TRMT11: variants seen among roughly 807,000 people sequenced by gnomAD.
TRMT11 encodes tRNA (guanine(10)-N(2))-methyltransferase TRMT11.
A neutral mutation model predicts 62.8 loss-of-function variants in TRMT11; 53 were observed. That is an observed-to-expected ratio of 0.84 (90% CI 0.68 to 1.06). TRMT11 has a LOEUF of 1.06. TRMT11 is among the 50% of genes least tolerant of loss of function. TRMT11 has a pLI of 0.00. For synonymous variants in TRMT11, 188 were observed against 190.3 expected (o/e 0.99, Z 0.10); for missense variants, 556 against 553.4 (o/e 1.00, Z -0.05).
intron 17 of TRMT11, among the ~76,000 whole-genome samples, chr6:126,109,520 ATTT>A (rs1231433865): frequency 6.6e-6 from 1 of 152,150 alleles, no homozygotes; most frequent in Admixed American, 6.6e-5. Flanking sequence ...CCTCATGCTA[ATTT>A]GTCCAGCTAT....
intron 17 of TRMT11, among the ~76,000 whole-genome samples, chr6:126,067,410 A>G (rs1401971676): frequency 6.6e-6 from 1 of 152,170 alleles, no homozygotes; most frequent in Non-Finnish European, 1.5e-5. Flanking sequence ...GCTTACCCAT[A>G]TAGTTTTACC....
chr6:126,182,683 G>A (rs1778480827), intron 1 of TRMT11, among the ~76,000 whole-genome samples: 1 of 151,944 alleles, frequency 6.6e-6, no homozygotes, highest in African/African-American at 2.4e-5. Context: ...ACTTGAGCTT[G>A]CAGCCTTCAT....
the TRMT11 span, among the ~76,000 whole-genome samples, chr6:126,215,478 T>G: frequency 6.6e-6 from 1 of 152,116 alleles, no homozygotes; most frequent in Non-Finnish European, 1.5e-5. Context: ...TGTCTTGAAA[T>G]CTATTTTGTC....
chr6:126,167,173 C>T (rs1166804546), intron 21 of TRMT11, among the ~76,000 whole-genome samples: 1 of 152,164 alleles, frequency 6.6e-6, no homozygotes, highest in Admixed American at 6.5e-5. Flanking sequence ...GAAAAAAACT[C>T]CTGCAGCTAG....
At chr6:126,122,533 A>G (rs1035817882) in intron 21 of TRMT11, among the ~76,000 whole-genome samples, 4 of 152,154 alleles carry the variant, frequency 2.6e-5, no homozygotes, top group African/African-American at 9.6e-5. Context: ...TGATTCTAGG[A>G]CATAAGACTG....
chr6:126,004,698 T>G (rs1793080362), intron 7 of TRMT11, among the ~76,000 whole-genome samples: 1 of 152,050 alleles, frequency 6.6e-6, no homozygotes, highest in South Asian at 2.1e-4. Flanking sequence ...AATTCATGTG[T>G]CTAATCCCCT....
At chr6:126,065,250 G>A (rs545451139) in intron 17 of TRMT11, among the ~76,000 whole-genome samples, 29 of 152,266 alleles carry the variant, frequency 1.9e-4, no homozygotes, top group African/African-American at 7.0e-4. Context: ...AAGGAGAGAA[G>A]ATAATTGGTC....
At chr6:125,999,767 A>G (rs1227725805) in intron 7 of TRMT11, among the ~76,000 whole-genome samples, 154 bp downstream of exon 7, 1 of 152,200 alleles carries the variant, frequency 6.6e-6, no homozygotes, top group African/African-American at 2.4e-5. Flanking sequence ...TGTAATAGCT[A>G]GTATTTAACA....
At chr6:126,075,459 A>G (rs200303676) in intron 17 of TRMT11, among the ~76,000 whole-genome samples, 2 of 151,730 alleles carry the variant, frequency 1.3e-5, no homozygotes, top group East Asian at 1.9e-4. Flanking sequence ...CGATTGTTTA[A>G]AAGTGTGTAG....
chr6:126,149,328 C>T (rs1190391910), intron 21 of TRMT11, among the ~76,000 whole-genome samples: 1 of 152,170 alleles, frequency 6.6e-6, no homozygotes, highest in Non-Finnish European at 1.5e-5. Flanking sequence ...CAGAATTATT[C>T]ATCATTTTCT....
intron 21 of TRMT11, among the ~76,000 whole-genome samples, chr6:126,149,527 A>G (rs1047824242): frequency 6.6e-6 from 1 of 152,318 alleles, no homozygotes; most frequent in Non-Finnish European, 1.5e-5. Context: ...AGTGAAACTC[A>G]GTAACTTGCC....
intron 17 of TRMT11, among the ~76,000 whole-genome samples, chr6:126,093,585 G>GTATGTATATATATATATA (rs1554236807): frequency 2.1e-5 from 1 of 46,688 alleles, no homozygotes; most frequent in Non-Finnish European, 3.8e-5. Flanking sequence ...GGATATGTAT[G>GTATGTATATATATATATA]TATATATATA....
intron 17 of TRMT11, among the ~76,000 whole-genome samples, chr6:126,091,326 G>A (rs1777274427): frequency 2.0e-5 from 3 of 152,128 alleles, no homozygotes; most frequent in Non-Finnish European, 2.9e-5. Flanking sequence ...CGTAACCTAC[G>A]CGTACCAATC....
intron 21 of TRMT11, among the ~76,000 whole-genome samples, chr6:126,125,862 T>A (rs1173477954): frequency 6.6e-6 from 1 of 150,448 alleles, no homozygotes; most frequent in African/African-American, 2.4e-5. Context: ...TTAAAAAAAA[T>A]TAGACTATAT....
intron 1 of TRMT11, among the ~76,000 whole-genome samples, chr6:126,194,905 A>G (rs1195433226): frequency 6.6e-6 from 1 of 152,108 alleles, no homozygotes; most frequent in Non-Finnish European, 1.5e-5. Flanking sequence ...ACTTGAGCCC[A>G]AGAGTTTGAG....
chr6:126,168,596 G>A (rs1004366073), intron 21 of TRMT11, among the ~76,000 whole-genome samples: 6 of 152,128 alleles, frequency 3.9e-5, no homozygotes, highest in African/African-American at 1.4e-4. Flanking sequence ...TTGGCTCACC[G>A]CAACCTCTGC....
chr6:126,115,056 C>T (rs1777571743), intron 19 of TRMT11, among the ~76,000 whole-genome samples: 1 of 152,080 alleles, frequency 6.6e-6, no homozygotes, highest in Non-Finnish European at 1.5e-5. Flanking sequence ...CTGCACGTGT[C>T]TTTCCCCCTC....
chr6:126,106,396 C>T (rs181700295), intron 17 of TRMT11, among the ~76,000 whole-genome samples: 6 of 152,250 alleles, frequency 3.9e-5, no homozygotes, highest in East Asian at 3.9e-4. Flanking sequence ...CTGCCTGCCT[C>T]GGCCTCCCAA....
At chr6:126,266,565 A>G in the TRMT11 span, among the ~76,000 whole-genome samples, 1 of 152,144 alleles carries the variant, frequency 6.6e-6, no homozygotes, top group African/African-American at 2.4e-5. Flanking sequence ...TTAATATGGG[A>G]CTGCCCTTTG....
Sources: allele counts gnomAD v4.1 joint callset (sites outside exome capture counted in the v4.1 genomes callset), GRCh38; gene constraint gnomAD v4.1.1; transcripts MANE v1.5; gene names NCBI Gene and HGNC (gene_info 2026-07-23, HGNC 2026-07-21).